Variants in ZNF462 observed in about 807,000 individuals in gnomAD.
ZNF462 encodes zinc finger PBX1-interacting protein.
Under a neutral mutation model 201.9 loss-of-function variants are expected in ZNF462, and 10 were observed. That is an observed-to-expected ratio of 0.05 (90% CI 0.03 to 0.08). The LOEUF is 0.08. ZNF462 is among the 10% of genes least tolerant of loss of function. ZNF462 has a pLI of 1.00. For synonymous variants in ZNF462, 1,227 were observed against 1,193.3 expected, an observed-to-expected ratio of 1.03 and a Z score of -0.58; for missense variants, 2,523 against 3,168.3, an observed-to-expected ratio of 0.80 and a Z score of 4.89.
Position 106,890,737 on chromosome 9 carries a change from C to T in ZNF462, c.-31+27382C>T, listed in dbSNP as rs187948503. Among the ~76,000 whole-genome samples the T allele has an allele frequency of 4.4e-4, 67 of 152,204 alleles. No individual in the cohort carries two copies. Among genetic ancestry groups the T allele is most frequent in the African/African-American group, 1.4e-3 (59 of 41,534 alleles). The stretch of plus-strand genomic sequence containing the variant: ...CCTCTGCTCTAAGGCTCATGTCACT[C>T]GCATCATGCTGTGACATGAAACAAT... On this transcript the variant is annotated intron_variant, in intron 1 of 12. Transcript: ENST00000277225. The surrounding 1 kb of genome is among the most constrained non-coding windows in gnomAD (Gnocchi z 4.2).
At chr9:106,893,608 A>G (rs933357763) in intron 1 of ZNF462, among the ~76,000 whole-genome samples, 1 of 152,224 alleles carries the variant, frequency 6.6e-6, no homozygotes, top group Non-Finnish European at 1.5e-5. Context: ...CCCCAAACTA[A>G]TATGTCGAAA....
intron 7 of ZNF462, among the ~76,000 whole-genome samples, chr9:106,944,215 C>G (rs996673493): frequency 6.6e-6 from 1 of 152,130 alleles, no homozygotes; most frequent in Non-Finnish European, 1.5e-5. Flanking sequence ...CTCTGTGTCT[C>G]TGTCAATATA....
intron 1 of ZNF462, among the ~76,000 whole-genome samples, chr9:106,887,570 A>G (rs1372281260): frequency 2.0e-5 from 3 of 152,214 alleles, no homozygotes; most frequent in Non-Finnish European, 4.4e-5. Context: ...AGTCGAATCC[A>G]AGAATATTTA....
In ZNF462 at chr9:106,926,893, T is replaced by A; in HGVS notation, c.2981T>A (p.Val994Glu). ...AAGAACATGGCGACTTCCACACCTG[T>A]GGCTCGTGGTGGTGGTTTGCCAGCT... ...APKNMATSTP[V>E]ARGGGLPATF... is the part of the protein sequence containing the mutation. The change falls in exon 3 of 13, where the codon GTG becomes GAG. Residue 994 changes from valine to glutamate, a missense_variant. Around this residue, in one of 15 missense-constraint regions of ZNF462, gnomAD observed 280 missense variants for 321.3 expected, o/e 0.87. Transcript: ENST00000277225. This position sits in a 1 kb window ranked among gnomAD's most constrained non-coding sequence, Gnocchi z 7.9. 6.2e-7 allele frequency: 1 copy of A among 1,614,182 alleles called. No homozygotes were observed. The highest frequency in any genetic ancestry group is 1.1e-5 in the South Asian group (1 of 91,082).
intron 7 of ZNF462, among the ~76,000 whole-genome samples, chr9:106,964,137 G>A (rs1022818730): frequency 1.3e-5 from 2 of 151,928 alleles, no homozygotes; most frequent in Non-Finnish European, 2.9e-5. Flanking sequence ...GAACATGGGA[G>A]TACATATCTC....
intron 1 of ZNF462, among the ~76,000 whole-genome samples, chr9:106,907,483 T>C (rs1829319880): frequency 6.6e-6 from 1 of 152,110 alleles, no homozygotes; most frequent in South Asian, 2.1e-4. Flanking sequence ...CACATTACAT[T>C]AGTTTTACAT....
At position 106,945,935 on chromosome 9, in the gene ZNF462, C is replaced by T. The variant is rs150228162; in HGVS notation, c.6427+6828C>T. ...CTGAACTCAAAGGTCACGTGATACA[C>T]GCTTCCCAAGATACCAACCTGCCTG... On this transcript the variant is annotated intron_variant, in intron 7 of 12. Transcript: ENST00000277225. Among the ~76,000 whole-genome samples, 792 of 152,322 alleles carry T rather than the reference C, an allele frequency of 5.2e-3. 10 individuals carry two copies. The highest frequency in any genetic ancestry group is 0.018 in the African/African-American group (749 of 41,574).
chr9:106,861,512 G>GA (rs1219179310), upstream of ZNF462, among the ~76,000 whole-genome samples: 1 of 152,220 alleles, frequency 6.6e-6, no homozygotes, highest in African/African-American at 2.4e-5. Context: ...GCGGACAAAA[G>GA]AAACTTTAAT....
Position 107,003,165 on chromosome 9 carries a change from C to T in ZNF462, c.7057-129C>T. ...AACGAAGAAAAAGACCTCTTAGGCC[C>T]CGGAGTTGTTTGGTCCTGGTTGCAA... On this transcript the variant is annotated intron_variant, in intron 10 of 12. Coordinates refer to ENST00000277225, the MANE Select transcript of ZNF462 (RefSeq NM_021224.6). This position sits in a 1 kb window ranked among gnomAD's most constrained non-coding sequence, Gnocchi z 4.4. 8.1e-7 allele frequency: 1 copy of T among 1,234,256 alleles called. No individual in the cohort carries two copies. The highest frequency in any genetic ancestry group is 2.4e-5 in the East Asian group (1 of 41,250). The allele number at this position is 1,234,256 out of a possible 1,614,324, so 76.5% of individuals were successfully genotyped here.
At chr9:106,947,350 C>G (rs757168687) in intron 7 of ZNF462, among the ~76,000 whole-genome samples, 2 of 152,206 alleles carry the variant, frequency 1.3e-5, no homozygotes, top group Non-Finnish European at 2.9e-5. Flanking sequence ...GTCACTCACT[C>G]TCTTATGTCA....
intron 7 of ZNF462, among the ~76,000 whole-genome samples, chr9:106,960,702 G>T (rs1270716431): frequency 6.6e-6 from 1 of 152,046 alleles, no homozygotes; most frequent in Non-Finnish European, 1.5e-5. Context: ...TTCCCTACAA[G>T]TTTCCTGCCT....
chr9:107,006,721 G>C lies in ZNF462; in HGVS notation c.7190-2824G>C, dbSNP rs1008301474. The stretch of plus-strand genomic sequence containing the variant: ...TAAAGACTATGGGTTTGCGAAGGGG[G>C]CCCCAGTTTGGCTCTTGAACCCCTG... On this transcript the variant is annotated intron_variant, in intron 11 of 12. Coordinates refer to ENST00000277225, the MANE Select transcript of ZNF462 (RefSeq NM_021224.6). The surrounding 1 kb of genome is among the most constrained non-coding windows in gnomAD (Gnocchi z 4.3). Among the ~76,000 whole-genome samples the C allele has an allele frequency of 2.6e-5, 4 of 152,034 alleles. No homozygotes were observed. Among genetic ancestry groups the C allele is most frequent in the African/African-American group, 9.7e-5 (4 of 41,390 alleles).
In ZNF462 at chr9:106,925,218, A is replaced by G; in HGVS notation, c.1306A>G (p.Met436Val). The G allele has an allele frequency of 2.5e-6, 4 of 1,614,232 alleles. No individual in the cohort carries two copies. Among genetic ancestry groups the G allele is most frequent in the Non-Finnish European group, 3.4e-6 (4 of 1,180,042 alleles). ...CAAGGGGATTCCATTTAGAAGATTC[A>G]TGAATAGGTTCCAGTGCCCCTTTTG... is the stretch of plus-strand genomic sequence containing the variant. ...ETKGIPFRRF[M>V]NRFQCPFCPF... The change falls in exon 3 of 13, where the codon ATG (methionine) becomes GTG (valine). Residue 436 changes from methionine to valine, a missense_variant. Physicochemically the swap from Met to Val is conservative, Grantham distance 21. Coordinates refer to ENST00000277225, the MANE Select transcript of ZNF462 (RefSeq NM_021224.6). This position sits in a 1 kb window ranked among gnomAD's most constrained non-coding sequence, Gnocchi z 7.9.
chr9:106,998,313 G>A (rs771551142), intron 10 of ZNF462, among the ~76,000 whole-genome samples: 39 of 152,156 alleles, frequency 2.6e-4, no homozygotes, highest in Non-Finnish European at 5.0e-4. Flanking sequence ...AAGGGTTCCA[G>A]TTCCATTCTA....
rs1397646637 is a variant in ZNF462 at position 106,922,142 on chromosome 9, A to C, written c.-30-1212A>C. ...AATTTATCTTTTACAGTAAAAGTATAGAGTATTACATCATAAAATACATTG... is the reference window on the plus strand; with the variant it reads ...AATTTATCTTTTACAGTAAAAGTATCGAGTATTACATCATAAAATACATTG... On this transcript the variant is annotated intron_variant, in intron 1 of 12. Coordinates refer to ENST00000277225, the MANE Select transcript of ZNF462 (RefSeq NM_021224.6). 3.3e-5 allele frequency among the ~76,000 whole-genome samples: 5 copies of C among 152,360 alleles called. No homozygotes were observed. In the East Asian group the frequency reaches 7.7e-4, roughly 24 times the overall value.
chr9:106,977,016 TGGC>T lies in ZNF462; in HGVS notation c.6832+2747_6832+2749del, dbSNP rs1018666333. Reference sequence around the variant, plus strand: ...ACCCTGTTGAGTGTTCTAGTAGCTGTGGCGGCTGAGTTCAAAGACAGAATTATC... The same window carrying T: ...ACCCTGTTGAGTGTTCTAGTAGCTGTGGCTGAGTTCAAAGACAGAATTATC... On this transcript the variant is annotated intron_variant, in intron 9 of 12. Transcript: ENST00000277225. The surrounding 1 kb of genome is among the most constrained non-coding windows in gnomAD (Gnocchi z 4.6). Among the ~76,000 whole-genome samples, 6 of 152,110 alleles carry T rather than the reference TGGC, an allele frequency of 3.9e-5. No homozygotes were observed. The highest frequency in any genetic ancestry group is 1.4e-4 in the African/African-American group (6 of 41,418).
chr9:107,003,985 A>C lies in ZNF462; in HGVS notation c.7189+559A>C, dbSNP rs1054182904. On this transcript the variant is annotated intron_variant, in intron 11 of 12. Transcript: ENST00000277225. The surrounding 1 kb of genome is among the most constrained non-coding windows in gnomAD (Gnocchi z 4.4). ...CTCTTTCATTCAACTATGTATTTAC[A>C]GAATACACTGGGGAAGGTTTTGTGG... Among the ~76,000 whole-genome samples the C allele has an allele frequency of 7.2e-5, 11 of 152,182 alleles. No individual in the cohort carries two copies. The highest frequency in any genetic ancestry group is 1.3e-4 in the Non-Finnish European group (9 of 68,026).
At position 106,929,879 on chromosome 9, in the gene ZNF462, G is replaced by A. The variant is rs950900316; in HGVS notation, c.5847+120G>A. On this transcript the variant is annotated intron_variant, in intron 3 of 12. Transcript: ENST00000277225. This position sits in a 1 kb window ranked among gnomAD's most constrained non-coding sequence, Gnocchi z 8.7. ...TCCTAGTGACTTAGCTTGCCAGAGAGCTCAATAAGTCAATTAAACATTTCG... is the reference window on the plus strand; with the variant it reads ...TCCTAGTGACTTAGCTTGCCAGAGAACTCAATAAGTCAATTAAACATTTCG... 3 of 863,930 alleles carry A rather than the reference G, an allele frequency of 3.5e-6. No individual in the cohort carries two copies. Among genetic ancestry groups the A allele is most frequent in the Non-Finnish European group, 5.3e-6 (3 of 561,782 alleles). The allele number at this position is 863,930 out of a possible 1,614,324, so 53.5% of individuals were successfully genotyped here.
intron 1 of ZNF462, among the ~76,000 whole-genome samples, chr9:106,866,604 T>C (rs571221395): frequency 9.2e-5 from 14 of 152,300 alleles, no homozygotes; most frequent in African/African-American, 3.4e-4. Context: ...ATGAAAAACC[T>C]AGGCCTCTCC....
Sources: allele counts gnomAD v4.1 joint callset (sites outside exome capture counted in the v4.1 genomes callset), GRCh38; gene constraint gnomAD v4.1.1; regional missense constraint gnomAD v4.1.1; non-coding constraint Gnocchi (gnomAD v3.1); transcripts MANE v1.5; gene names NCBI Gene and HGNC (gene_info 2026-07-23, HGNC 2026-07-21).